MCTP2: variants seen among roughly 807,000 people sequenced by gnomAD.
MCTP2 encodes the protein multiple C2 and transmembrane domain containing 2.
A neutral mutation model predicts 111.6 loss-of-function variants in MCTP2; 132 were observed. That is an observed-to-expected ratio of 1.18 (90% CI 1.03 to 1.37). MCTP2 has a LOEUF of 1.37. MCTP2 is among the 40% of genes most tolerant of loss of function. MCTP2 has a pLI of 0.00. For missense variants in MCTP2, 1,183 were observed against 1,067.9 expected (o/e 1.11, Z -1.50); for synonymous variants, 395 against 387.7 (o/e 1.02, Z -0.22).
At chr15:94,249,451 AGT>A in intron 1 of MCTP2, among the ~76,000 whole-genome samples, 1 of 151,934 alleles carries the variant, frequency 6.6e-6, no homozygotes, top group Admixed American at 6.5e-5. Context: ...CAGATGTTCA[AGT>A]GAATGACATC....
At chr15:94,310,170 G>A (rs1250796154) in intron 2 of MCTP2, among the ~76,000 whole-genome samples, 1 of 152,144 alleles carries the variant, frequency 6.6e-6, no homozygotes, top group African/African-American at 2.4e-5. Context: ...CAACCTTTAC[G>A]GATTTCGAAG....
chr15:94,402,712 G>A, intron 17 of MCTP2: 2 of 1,446,472 alleles, frequency 1.4e-6, no homozygotes, highest in South Asian at 1.5e-5. Context: ...AAAGGGACTT[G>A]TCCTTGATCA....
chr15:94,454,635 A>G (rs1003934622), intron 19 of MCTP2, among the ~76,000 whole-genome samples: 4 of 151,724 alleles, frequency 2.6e-5, no homozygotes, highest in Non-Finnish European at 5.9e-5. Flanking sequence ...GGTCATAATC[A>G]GTTGGAAAGT....
chr15:94,260,314 C>G (rs1184791220), intron 1 of MCTP2, among the ~76,000 whole-genome samples: 1 of 152,212 alleles, frequency 6.6e-6, no homozygotes, highest in East Asian at 1.9e-4. Context: ...CAGTCTACCC[C>G]CTGAGTCCAG....
At chr15:94,296,883 C>A (rs145705839) in intron 1 of MCTP2, among the ~76,000 whole-genome samples, 11 of 152,300 alleles carry the variant, frequency 7.2e-5, no homozygotes, top group Middle Eastern at 6.8e-3. Flanking sequence ...TCTTGTCATG[C>A]GCTGGTCATT....
chr15:94,282,835 G>C (rs1269835816), intron 1 of MCTP2, among the ~76,000 whole-genome samples: 1 of 152,168 alleles, frequency 6.6e-6, no homozygotes, highest in Non-Finnish European at 1.5e-5. Flanking sequence ...CTCCTGGCCT[G>C]CATGCCCTTA....
At chr15:94,329,835 C>T (rs1173955013) in intron 4 of MCTP2, among the ~76,000 whole-genome samples, 1 of 152,118 alleles carries the variant, frequency 6.6e-6, no homozygotes, top group African/African-American at 2.4e-5. Context: ...AAAATCTATT[C>T]TCTTAATACA....
Position 94,352,744 on chromosome 15 carries a change from A to G in MCTP2, c.1006-3393A>G, listed in dbSNP as rs181563724. Among the ~76,000 whole-genome samples, 10 of 152,310 alleles carry G rather than the reference A, an allele frequency of 6.6e-5. No homozygotes were observed. In the East Asian group the frequency reaches 1.9e-3, roughly 29 times the overall value. On this transcript the variant is annotated intron_variant, in intron 8 of 22. Coordinates refer to ENST00000357742, the MANE Select transcript of MCTP2 (RefSeq NM_001385001.1). ...AAGCTATTCAGCTGAGTGAGTGCAG[A>G]TGAGTTGATTTATTGTGAGGGAAAA...
At chr15:94,383,096 C>T (rs1356575491) in intron 12 of MCTP2, among the ~76,000 whole-genome samples, 1 of 151,830 alleles carries the variant, frequency 6.6e-6, no homozygotes, top group Non-Finnish European at 1.5e-5. Flanking sequence ...TTGAGTTATA[C>T]TTTTTTTGTT....
At chr15:94,414,106 G>T (rs1374437556) in intron 17 of MCTP2, among the ~76,000 whole-genome samples, 1 of 152,072 alleles carries the variant, frequency 6.6e-6, no homozygotes, top group African/African-American at 2.4e-5. Context: ...AACACTTTAG[G>T]CTTTAGATGT....
At chr15:94,366,866 T>G (rs546311109) in intron 10 of MCTP2, among the ~76,000 whole-genome samples, 1 of 152,324 alleles carries the variant, frequency 6.6e-6, no homozygotes, top group East Asian at 1.9e-4. Flanking sequence ...TCCCCCTTTT[T>G]GGTGTTTGCT....
intron 17 of MCTP2, among the ~76,000 whole-genome samples, chr15:94,406,939 T>C (rs1236953353): frequency 2.0e-5 from 3 of 151,752 alleles, no homozygotes; most frequent in African/African-American, 7.3e-5. Context: ...CTTATGTTCC[T>C]TTAAAATATC....
At chr15:94,419,756 ATT>A (rs375546096) in intron 17 of MCTP2, among the ~76,000 whole-genome samples, 5 of 147,128 alleles carry the variant, frequency 3.4e-5, no homozygotes, top group Non-Finnish European at 1.5e-5. Context: ...CATACTGCTT[ATT>A]TTTTTTTTTT....
chr15:94,293,471 G>C (rs2075120128), intron 1 of MCTP2, among the ~76,000 whole-genome samples: 1 of 152,162 alleles, frequency 6.6e-6, no homozygotes, highest in South Asian at 2.1e-4. Context: ...CACGTTATTA[G>C]GAAAATGAAA....
At chr15:94,330,112 G>A (rs2077064066) in intron 4 of MCTP2, among the ~76,000 whole-genome samples, 1 of 152,152 alleles carries the variant, frequency 6.6e-6, no homozygotes, top group East Asian at 1.9e-4. Flanking sequence ...GTTTATTCAT[G>A]TCATTGCAAA....
At chr15:94,473,140 G>T (rs776821250) in intron 21 of MCTP2, among the ~76,000 whole-genome samples, 1 of 151,554 alleles carries the variant, frequency 6.6e-6, no homozygotes, top group African/African-American at 2.4e-5. Flanking sequence ...TTTTATATAA[G>T]TATCAGAATC....
At chr15:94,450,064 A>T (rs913084460) in intron 19 of MCTP2, among the ~76,000 whole-genome samples, 2 of 151,934 alleles carry the variant, frequency 1.3e-5, no homozygotes, top group African/African-American at 4.8e-5. Flanking sequence ...TATTCCTTTT[A>T]CTTTTTCAAC....
At chr15:94,285,409 T>A (rs1026272411) in intron 1 of MCTP2, among the ~76,000 whole-genome samples, 2 of 152,186 alleles carry the variant, frequency 1.3e-5, no homozygotes, top group Admixed American at 6.5e-5. Flanking sequence ...GTGGGGAATC[T>A]CCCAAAATCC....
chr15:94,470,228 T>TA (rs1001412435), intron 20 of MCTP2, 105 bp from the exon 21 acceptor site: 34 of 885,904 alleles, frequency 3.8e-5, no homozygotes, highest in Non-Finnish European at 5.1e-5. Context: ...CAATAGACTG[T>TA]AAAAAAAATT....
Sources: gnomAD v4.1 joint callset for allele counts (sites outside exome capture counted in the v4.1 genomes callset) on GRCh38, gnomAD v4.1.1 for gene constraint, MANE v1.5 for transcripts, NCBI Gene and HGNC (gene_info 2026-07-23, HGNC 2026-07-21) for gene names.